The following STIM1 variants were observed in gnomAD, a reference collection of about 807,000 sequenced individuals.
STIM1 encodes stromal interaction molecule 1.
In STIM1, 25 loss-of-function variants were observed where a neutral mutation model predicts 74.7. The ratio of observed to expected loss-of-function variants is 0.33; its 90% confidence interval spans 0.24 to 0.47. The LOEUF (loss-of-function observed/expected upper bound fraction) is 0.47. Among genes scored for constraint, STIM1 ranks in the 20% least tolerant of loss-of-function variants. STIM1 has a pLI of 1.00. For synonymous variants in STIM1, 328 were observed against 348.8 expected (o/e 0.94, Z 0.66); for missense variants, 728 against 920.8 (o/e 0.79, Z 2.71).
chr11:3,918,313 T>C (rs1321843602), intron 1 of STIM1, among the ~76,000 whole-genome samples: 1 of 152,102 alleles, frequency 6.6e-6, no homozygotes, highest in Non-Finnish European at 1.5e-5. Flanking sequence ...GCCCAGGAGT[T>C]TGAGACCAGC....
At position 4,091,595 on chromosome 11, in the gene STIM1, C is replaced by A. The variant is rs1197018356; in HGVS notation, c.1948C>A (p.Pro650Thr). ...PHLDSSRSHS[P>T]SSPDPDTPSP... Reference sequence around the variant, plus strand: ...TTTGGATTCTTCCCGTTCTCACAGCCCCAGCTCCCCAGACCCAGACACACC... The same window carrying A: ...TTTGGATTCTTCCCGTTCTCACAGCACCAGCTCCCCAGACCCAGACACACC... The change falls in exon 13 of 13, where the codon CCC becomes ACC. Residue 650 changes from proline (P) to threonine (T), a missense_variant. Pro to Thr is a conservative substitution (Grantham distance 38). This residue lies in a region of STIM1 where 352 missense variants were observed against 370.1 expected (regional missense o/e 0.95). Transcript: ENST00000526596. 3 of 1,614,094 alleles carry A rather than the reference C, an allele frequency of 1.9e-6. No individual in the cohort carries two copies. Among genetic ancestry groups the A allele is most frequent in the Non-Finnish European group, 2.5e-6 (3 of 1,180,048 alleles).
At chr11:3,937,022 GC>G (rs1250287995) in intron 1 of STIM1, among the ~76,000 whole-genome samples, 1 of 151,922 alleles carries the variant, frequency 6.6e-6, no homozygotes, top group East Asian at 1.9e-4. Context: ...ATTAATCTCT[GC>G]AGCTGGGTGC....
At chr11:3,893,227 T>C (rs2091951089) in intron 1 of STIM1, among the ~76,000 whole-genome samples, 1 of 152,230 alleles carries the variant, frequency 6.6e-6, no homozygotes, top group Non-Finnish European at 1.5e-5. Flanking sequence ...AAGGCTATTA[T>C]GTGTTATTTA....
At chr11:3,976,494 A>G (rs888529194) in intron 2 of STIM1, among the ~76,000 whole-genome samples, 1 of 152,230 alleles carries the variant, frequency 6.6e-6, no homozygotes, top group Non-Finnish European at 1.5e-5. Context: ...ATTAATAAAT[A>G]TGTATTAAAA....
chr11:4,077,550 A>G (rs1334834060), intron 7 of STIM1, among the ~76,000 whole-genome samples: 1 of 152,168 alleles, frequency 6.6e-6, no homozygotes, highest in Non-Finnish European at 1.5e-5. Flanking sequence ...CTTGACACAT[A>G]TAGAACACTT....
At position 4,082,999 on chromosome 11, in the gene STIM1, A is replaced by G; in HGVS notation, c.1238+17A>G. On this transcript the variant is annotated intron_variant, in intron 9 of 12. Coordinates refer to ENST00000526596, the MANE Select transcript of STIM1 (RefSeq NM_001382567.1). ...AACAGCTAAGTAAGTAACACCAGTT[A>G]TCTACTCTGGCAATGTCCATATCAT... is the stretch of plus-strand genomic sequence containing the variant. 1 of 1,602,680 alleles carries G rather than the reference A, an allele frequency of 6.2e-7. No homozygotes were observed. The highest frequency in any genetic ancestry group is 8.5e-7 in the Non-Finnish European group (1 of 1,169,628).
chr11:4,061,274 G>C (rs2094328837), intron 5 of STIM1, among the ~76,000 whole-genome samples: 1 of 152,108 alleles, frequency 6.6e-6, no homozygotes, highest in Admixed American at 6.6e-5. Flanking sequence ...AACAAGAGGG[G>C]CCCTGGTGGA....
chr11:4,008,187 G>A (rs181495039), intron 2 of STIM1, among the ~76,000 whole-genome samples: 2 of 152,086 alleles, frequency 1.3e-5, no homozygotes, highest in Admixed American at 1.3e-4. Flanking sequence ...ACTTACTACT[G>A]TGTTACAACT....
intron 1 of STIM1, among the ~76,000 whole-genome samples, chr11:3,907,859 T>C (rs2092492027): frequency 6.6e-6 from 1 of 152,268 alleles, no homozygotes; most frequent in Non-Finnish European, 1.5e-5. Flanking sequence ...TCAGGGCCTT[T>C]GCATTGGTTC....
intron 1 of STIM1, among the ~76,000 whole-genome samples, chr11:3,878,528 A>G (rs1018574037): frequency 1.3e-5 from 2 of 152,170 alleles, no homozygotes; most frequent in Non-Finnish European, 2.9e-5. Flanking sequence ...TGGGAATTAA[A>G]GAGCTTTGGT....
At chr11:3,978,165 T>TC (rs2093466938) in intron 2 of STIM1, among the ~76,000 whole-genome samples, 2 of 145,642 alleles carry the variant, frequency 1.4e-5, no homozygotes, top group African/African-American at 2.6e-5. Flanking sequence ...TTTTTTTTTT[T>TC]GAGACGGAGT....
intron 1 of STIM1, among the ~76,000 whole-genome samples, chr11:3,914,080 T>C (rs1164380262): frequency 1.3e-5 from 2 of 152,178 alleles, no homozygotes; most frequent in African/African-American, 4.8e-5. Flanking sequence ...TTAAAACATT[T>C]TTCATCATCC....
chr11:3,866,829 G>A (rs1047405717), intron 1 of STIM1, among the ~76,000 whole-genome samples: 1 of 151,944 alleles, frequency 6.6e-6, no homozygotes, highest in African/African-American at 2.4e-5. Flanking sequence ...ATAAGAGAGG[G>A]TAAAGAAAGA....
intron 3 of STIM1, among the ~76,000 whole-genome samples, chr11:4,052,274 A>G (rs1466110890): frequency 6.6e-6 from 1 of 152,104 alleles, no homozygotes; most frequent in Admixed American, 6.6e-5. Context: ...TTCATATGGA[A>G]CCAAAAAAGA....
chr11:3,963,069 C>T (rs577357939), intron 1 of STIM1, among the ~76,000 whole-genome samples: 2 of 152,190 alleles, frequency 1.3e-5, no homozygotes, highest in Admixed American at 6.5e-5. Context: ...TATTCATTAA[C>T]GCAATGTAGG....
chr11:4,017,700 A>C (rs939420570), intron 2 of STIM1, among the ~76,000 whole-genome samples: 6 of 152,196 alleles, frequency 3.9e-5, no homozygotes, highest in African/African-American at 1.4e-4. Context: ...GGACCAAAGA[A>C]GGGTATATCT....
chr11:3,891,961 G>A (rs573708567), intron 1 of STIM1, among the ~76,000 whole-genome samples: 2 of 152,328 alleles, frequency 1.3e-5, no homozygotes, highest in East Asian at 3.9e-4. Context: ...CAAAAACAAG[G>A]TGTTTGGGCT....
chr11:4,066,772 C>T (rs984227591), intron 5 of STIM1, among the ~76,000 whole-genome samples: 1 of 152,084 alleles, frequency 6.6e-6, no homozygotes, highest in Admixed American at 6.6e-5. Context: ...ATGGGTTGAT[C>T]GTAGCTCACA....
chr11:4,028,805 A>G (rs1339481648), intron 3 of STIM1, among the ~76,000 whole-genome samples: 1 of 152,230 alleles, frequency 6.6e-6, no homozygotes, highest in African/African-American at 2.4e-5. Context: ...TGCAGCTGAA[A>G]GCAAAAGAAC....
Sources: allele counts gnomAD v4.1 joint callset (sites outside exome capture counted in the v4.1 genomes callset), GRCh38; gene constraint gnomAD v4.1.1; regional missense constraint gnomAD v4.1.1; transcripts MANE v1.5; gene names NCBI Gene and HGNC (gene_info 2026-07-23, HGNC 2026-07-21).